The following MPHOSPH8 variants were observed in gnomAD, a reference collection of about 807,000 sequenced individuals.
MPHOSPH8 encodes M-phase phosphoprotein, mpp.
Under a neutral mutation model 87.3 loss-of-function variants are expected in MPHOSPH8, and 45 were observed. The observed-to-expected ratio is 0.52, with a 90% CI of 0.41 to 0.66. The LOEUF is 0.66. MPHOSPH8 is among the 30% of genes least tolerant of loss of function. MPHOSPH8 has a pLI of 0.00. For missense variants in MPHOSPH8, 883 were observed against 1,020.2 expected (o/e 0.87, Z 1.83); for synonymous variants, 366 against 376.9 (o/e 0.97, Z 0.33).
chr13:19,667,266 G>A (rs951916295), intron 10 of MPHOSPH8, among the ~76,000 whole-genome samples: 2 of 152,190 alleles, frequency 1.3e-5, no homozygotes, highest in African/African-American at 2.4e-5. Context: ...TTGAGCGGAG[G>A]GTACAGATTT....
chr13:19,663,022 CTT>C lies in MPHOSPH8; in HGVS notation c.1933-12_1933-11del. On this transcript the variant is annotated splice_polypyrimidine_tract_variant and intron_variant, in intron 8 of 13. Transcript: ENST00000361479. ...AAATAATTTGGGAAATTAAATTTGC[CTT>C]TTTTTCTTTTCATAGAACTTTTTAA... The C allele has an allele frequency of 6.3e-7, 1 of 1,582,444 alleles. No individual in the cohort carries two copies.
At chr13:19,657,944 A>C (rs535788899) in intron 5 of MPHOSPH8, among the ~76,000 whole-genome samples, 2 of 152,330 alleles carry the variant, frequency 1.3e-5, no homozygotes, top group African/African-American at 4.8e-5. Flanking sequence ...AGCCTCTCCC[A>C]GCCTCTCTCA....
chr13:19,648,755 ATATAT>A (rs149271030), intron 4 of MPHOSPH8, among the ~76,000 whole-genome samples: 16,184 of 152,074 alleles, frequency 0.11, 1,028 homozygotes, highest in African/African-American at 0.18. Context: ...AAACCTTTTA[ATATAT>A]TCATTATATG....
intron 11 of MPHOSPH8, among the ~76,000 whole-genome samples, chr13:19,669,513 C>CA (rs1555224261): frequency 7.5e-5 from 10 of 133,492 alleles, no homozygotes; most frequent in Non-Finnish European, 1.6e-5. Context: ...CATCCACCAA[C>CA]TTTTTTTTTT....
rs1233482528 is a variant in MPHOSPH8 at position 19,650,149 on chromosome 13, T to A, written c.1465T>A (p.Ser489Thr). 1 of 1,613,928 alleles carries A rather than the reference T, an allele frequency of 6.2e-7. No homozygotes were observed. Among genetic ancestry groups the A allele is most frequent in the African/African-American group, 1.3e-5 (1 of 74,862 alleles). The change falls in exon 5 of 14, where the codon TCA becomes ACA. Residue 489 changes from serine (S) to threonine (T), a missense_variant. Around this residue, in one of 3 missense-constraint regions of MPHOSPH8, gnomAD observed 741 missense variants for 841.5 expected, o/e 0.88. Coordinates refer to ENST00000361479, the MANE Select transcript of MPHOSPH8 (RefSeq NM_017520.4). The part of the protein sequence containing the change: ...DDHKTKENKQ[S>T]LKERRNTRDE... ...TCACAAAACCAAGGAAAACAAACAG[T>A]CACTTAAAGAAAGGAGAAACACCAG...
chr13:19,633,760 T>C lies in MPHOSPH8; in HGVS notation c.12T>C (p.Val4=). Residue 4 remains valine (V), a synonymous_variant, in exon 1 of 14, where the codon GTT becomes GTC. Transcript: ENST00000361479. MEQ[V]AEGARVTAVP... is the part of the protein sequence containing the mutation. ...GCGGAGCTGCTAGGATGGAGCAGGT[T>C]GCGGAGGGAGCAAGGGTGACCGCAG... The C allele has an allele frequency of 1.3e-6, 2 of 1,597,412 alleles. No homozygotes were observed. Among genetic ancestry groups the C allele is most frequent in the Non-Finnish European group, 1.7e-6 (2 of 1,172,822 alleles).
At chr13:19,671,546 C>T (rs1714496286) in intron 13 of MPHOSPH8, among the ~76,000 whole-genome samples, 2 of 152,144 alleles carry the variant, frequency 1.3e-5, no homozygotes, top group Admixed American at 6.5e-5. Flanking sequence ...ATGATCTAGG[C>T]CTTGGTATGG....
intron 10 of MPHOSPH8, 36 bp from the exon 11 acceptor site, chr13:19,668,341 A>G: frequency 1.9e-6 from 3 of 1,590,172 alleles, no homozygotes; most frequent in Non-Finnish European, 2.6e-6. Context: ...GTTCTTTTCT[A>G]CATTAACGTT....
rs9579617 is a variant in MPHOSPH8, at chr13:19,661,852, T to C, written c.1932+14T>C. 125,668 of 1,595,696 alleles carry C rather than the reference T, an allele frequency of 0.079. 5,701 individuals carry two copies. Among genetic ancestry groups the C allele is most frequent in the African/African-American group, 0.18 (13,681 of 74,152 alleles). On this transcript the variant is annotated intron_variant, in intron 8 of 13. Transcript: ENST00000361479. ...GCTGCAGAGAAGGTTTGTGGCTTCT[T>C]ATGCATCAGTTTCAGAGCTTTCATG...
Position 19,647,017 on chromosome 13 carries a change from A to G in MPHOSPH8, c.944A>G (p.Asp315Gly), listed in dbSNP as rs1351179570. The G allele has an allele frequency of 6.2e-7, 1 of 1,603,822 alleles. No homozygotes were observed. Among genetic ancestry groups the G allele is most frequent in the Non-Finnish European group, 8.5e-7 (1 of 1,177,342 alleles). The change falls in exon 3 of 14, where the codon GAC becomes GGC. Residue 315 changes from aspartate (D) to glycine (G), a missense_variant. Physicochemically the swap from Asp to Gly is moderately conservative, Grantham distance 94. This residue lies in a region of MPHOSPH8 where 741 missense variants were observed against 841.5 expected (regional missense o/e 0.88). Transcript: ENST00000361479. ...GLEHGFEKPL[D>G]SAMSAEEDTD... ...GAGCATGGCTTTGAGAAGCCCCTAGACAGTGCCATGAGTGCTGAGGAGGAT... is the reference window on the plus strand; with the variant it reads ...GAGCATGGCTTTGAGAAGCCCCTAGGCAGTGCCATGAGTGCTGAGGAGGAT...
In MPHOSPH8 at chr13:19,668,478, G is replaced by A. The variant is rs769628961; in HGVS notation, c.2276G>A (p.Gly759Asp). Residue 759 changes from glycine (G) to aspartate (D), a missense_variant, in exon 11 of 14, where the codon GGT (glycine) becomes GAT (aspartate). Transcript: ENST00000361479. ...ATCGCATGTCATCGACTCTGTGAGG[G>A]TCCAGATTTTTCAACAGATTTCAAT... ...FPIACHRLCE[G>D]PDFSTDFNYK... 1.3e-5 allele frequency: 21 copies of A among 1,614,084 alleles called. No homozygotes were observed. The highest frequency in any genetic ancestry group is 1.8e-5 in the Non-Finnish European group (21 of 1,180,026).
chr13:19,671,965 TAA>T lies in MPHOSPH8; in HGVS notation c.*92_*93del. ...TTGGAATTCTTCTAGCACATCTATG[TAA>T]AGTTTTGTCTGTAAACCTCTTGCAG... On this transcript the variant is annotated 3_prime_UTR_variant, in exon 14 of 14. Coordinates refer to ENST00000361479, the MANE Select transcript of MPHOSPH8 (RefSeq NM_017520.4). The T allele has an allele frequency of 7.3e-7, 1 of 1,366,618 alleles. No individual in the cohort carries two copies. Among genetic ancestry groups the T allele is most frequent in the Non-Finnish European group, 1.0e-6 (1 of 962,076 alleles). The allele number at this position is 1,366,618 out of a possible 1,614,324, so 84.7% of individuals were successfully genotyped here.
At chr13:19,649,396 A>C (rs981737529) in intron 4 of MPHOSPH8, among the ~76,000 whole-genome samples, 1 of 152,244 alleles carries the variant, frequency 6.6e-6, no homozygotes, top group South Asian at 2.1e-4. Context: ...CCAGTTTTCA[A>C]TATTCCCTGA....
chr13:19,662,917 C>T, intron 8 of MPHOSPH8, 123 bp from the exon 9 acceptor site: 1 of 817,968 alleles, frequency 1.2e-6, no homozygotes, highest in Non-Finnish European at 2.0e-6. Context: ...AATGCTGCAG[C>T]CCGCAACCAC....
intron 11 of MPHOSPH8, among the ~76,000 whole-genome samples, chr13:19,669,634 G>A (rs1029878189): frequency 3.9e-4 from 59 of 151,040 alleles, no homozygotes; most frequent in African/African-American, 1.3e-3. Flanking sequence ...TCAACCTCCC[G>A]AGTAGCTGGA....
chr13:19,641,757 A>G (rs1171523564), intron 1 of MPHOSPH8, among the ~76,000 whole-genome samples: 1 of 151,916 alleles, frequency 6.6e-6, no homozygotes, highest in Non-Finnish European at 1.5e-5. Context: ...CGGCCTCCCA[A>G]AATGCTGGGA....
Position 19,646,321 on chromosome 13 carries a change from T to C in MPHOSPH8, c.370-122T>C, listed in dbSNP as rs111775824. The C allele has an allele frequency of 1.6e-4, 138 of 857,728 alleles. No homozygotes were observed. The African/African-American group carries it at 2.3e-3, about 14-fold the overall frequency. 53.1% of individuals were successfully genotyped at this position (857,728 alleles called of 1,614,324 possible). A position where few individuals can be genotyped will look rare whatever the true frequency, so the allele number is the denominator to read the frequency against. On this transcript the variant is annotated intron_variant, in intron 2 of 13. Transcript: ENST00000361479. ...ACGATTTCAGCTTAGGTAAGCAGTT[T>C]TAAGAAGTTGAGATTCTGCTTGGAA... is the stretch of plus-strand genomic sequence containing the variant.
chr13:19,659,954 G>GCTT (rs1565941190), intron 7 of MPHOSPH8, among the ~76,000 whole-genome samples: 1 of 120,998 alleles, frequency 8.3e-6, no homozygotes, highest in African/African-American at 3.0e-5. Context: ...GATATGTATG[G>GCTT]ATTTTTTTTT....
chr13:19,640,247 T>C (rs192909411), intron 1 of MPHOSPH8, among the ~76,000 whole-genome samples: 120 of 152,356 alleles, frequency 7.9e-4, no homozygotes, highest in Middle Eastern at 3.4e-3. Context: ...TAATACTACC[T>C]AGTTCATGGG....
Sources: allele counts gnomAD v4.1 joint callset (sites outside exome capture counted in the v4.1 genomes callset), GRCh38; gene constraint gnomAD v4.1.1; regional missense constraint gnomAD v4.1.1; transcripts MANE v1.5; gene names NCBI Gene and HGNC (gene_info 2026-07-23, HGNC 2026-07-21).